Variants in RHOF observed in about 807,000 individuals in gnomAD.
The protein encoded by RHOF is ras homolog family member F, filopodia associated, also known as rho-related GTP-binding protein RhoF.
In RHOF, 21 loss-of-function variants were observed where a neutral mutation model predicts 22.2. The observed-to-expected ratio is 0.95, with a 90% CI of 0.67 to 1.36. RHOF has a LOEUF of 1.36. Ranked by LOEUF, RHOF falls within the 40% of genes most tolerant of loss-of-function variation. The probability of loss-of-function intolerance (pLI) is 0.00; values close to 1 mark genes in which losing one functional copy is unlikely to be tolerated. For missense variants in RHOF, 285 were observed against 293.7 expected (o/e 0.97, Z 0.22); for synonymous variants, 135 against 131.2 (o/e 1.03, Z -0.20).
chr12:121,793,318 C>T (rs1443263953), intron 1 of RHOF, 79 bp from the exon 2 acceptor site: 105 of 1,455,818 alleles, frequency 7.2e-5, no homozygotes, highest in Non-Finnish European at 1.1e-5. Flanking sequence ...TGTCCACCCC[C>T]CTCACTCGTC....
At chr12:121,793,091 G>T in intron 2 of RHOF, 61 bp downstream of exon 2, 1 of 1,426,614 alleles carries the variant, frequency 7.0e-7, no homozygotes, top group Non-Finnish European at 9.6e-7. Context: ...GGGGACGCCC[G>T]GGAGGGGAAA....
At chr12:121,791,200 A>G (rs193078609) in intron 2 of RHOF, among the ~76,000 whole-genome samples, 91 of 152,202 alleles carry the variant, frequency 6.0e-4, no homozygotes, top group African/African-American at 2.1e-3. Context: ...ATCTCGGCTC[A>G]CTGCAACCTC....
rs1002714938 is a variant in RHOF, at chr12:121,779,288, TCAC to T, written c.*207_*209del. On this transcript the variant is annotated 3_prime_UTR_variant, in exon 5 of 5. Transcript: ENST00000267205. ...ACAGACACTGGCTCCTGCACCCACATCACCACCATGTCCCAGGGGCAGCCTGGA... is the reference window on the plus strand; with the variant it reads ...ACAGACACTGGCTCCTGCACCCACATCACCATGTCCCAGGGGCAGCCTGGA... The T allele has an allele frequency of 6.6e-6, 4 of 603,180 alleles. No homozygotes were observed. The highest frequency in any genetic ancestry group is 3.7e-5 in the African/African-American group (2 of 53,842). The allele number at this position is 603,180 out of a possible 1,614,324, so 37.4% of individuals were successfully genotyped here. A position where few individuals can be genotyped will look rare whatever the true frequency, so the allele number is the denominator to read the frequency against.
rs1182611780 is a variant in RHOF, at chr12:121,793,622, G to A, written c.12C>T (p.Pro4=). The change falls in exon 1 of 5, where the codon CCC becomes CCT. Residue 4 remains proline (P), a synonymous_variant. Transcript: ENST00000267205. MDA[P]GALAQTAAPG... ...GGGCGGCGGTCTGGGCCAGGGCCCC[G>A]GGGGCATCCATTGCCCGGAGCCCGC... is the stretch of plus-strand genomic sequence containing the variant. The A allele has an allele frequency of 5.2e-6, 8 of 1,543,446 alleles. No individual in the cohort carries two copies. The African/African-American group carries it at 5.5e-5, about 11-fold the overall frequency.
chr12:121,790,673 C>T (rs1007293083), intron 2 of RHOF, among the ~76,000 whole-genome samples: 1 of 152,274 alleles, frequency 6.6e-6, no homozygotes, highest in Non-Finnish European at 1.5e-5. Flanking sequence ...GGGTGCCCCT[C>T]CTTGGGGTCT....
At chr12:121,793,011 CCT>C in intron 2 of RHOF, 139 bp downstream of exon 2, 1 of 702,554 alleles carries the variant, frequency 1.4e-6, no homozygotes, top group Admixed American at 2.7e-5. Flanking sequence ...AGCCAGCGCC[CCT>C]GAGCGGCCTC....
In RHOF at chr12:121,781,089, G is replaced by A. The variant is rs756665711; in HGVS notation, c.330C>T (p.Leu110=). The change falls in exon 3 of 5, where the codon CTC becomes CTT. Residue 110 remains leucine, a synonymous_variant. Transcript: ENST00000267205. ...CCCAGGAGGCCGGCCTCACCTTGAT[G>A]AGGACGTTGTCGTAGCTGGTGGGAT... ...VMNPTSYDNV[L]IKWFPEVTHF... is the part of the protein sequence containing the mutation. 2.5e-6 allele frequency: 4 copies of A among 1,614,246 alleles called. No individual in the cohort carries two copies. The highest frequency in any genetic ancestry group is 1.1e-5 in the South Asian group (1 of 91,084).
At position 121,793,605 on chromosome 12, in the gene RHOF, G is replaced by A; in HGVS notation, c.29C>T (p.Thr10Ile). Residue 10 changes from threonine (T) to isoleucine (I), a missense_variant, in exon 1 of 5, where the codon ACC (threonine) becomes ATC (isoleucine). By Grantham distance (89) the Thr-to-Ile change is moderately conservative (BLOSUM62 -1). Transcript: ENST00000267205. The part of the protein sequence containing the change: MDAPGALAQ[T>I]AAPGPGRKEL... Reference sequence around the variant, plus strand: ...CTTCCTGCCCGGACCGGGGGCGGCGGTCTGGGCCAGGGCCCCGGGGGCATC... The same window carrying A: ...CTTCCTGCCCGGACCGGGGGCGGCGATCTGGGCCAGGGCCCCGGGGGCATC... 1 of 1,550,472 alleles carries A rather than the reference G, an allele frequency of 6.4e-7. No individual in the cohort carries two copies.
Position 121,779,207 on chromosome 12 carries a change from T to G in RHOF, c.*291A>C. On this transcript the variant is annotated 3_prime_UTR_variant, in exon 5 of 5. Coordinates refer to ENST00000267205, the MANE Select transcript of RHOF (RefSeq NM_019034.3). ...TTTCAAGCATAACTTGAGTCTGCAC[T>G]GGGGAGACACTCGTGGTGGGGGTGG... 1 of 472,930 alleles carries G rather than the reference T, an allele frequency of 2.1e-6. No individual in the cohort carries two copies. The highest frequency in any genetic ancestry group is 2.6e-5 in the South Asian group (1 of 38,188). 29.3% of individuals were successfully genotyped at this position (472,930 alleles called of 1,614,324 possible).
At chr12:121,786,624 C>T (rs1319301647) in intron 2 of RHOF, among the ~76,000 whole-genome samples, 3 of 152,208 alleles carry the variant, frequency 2.0e-5, no homozygotes, top group Non-Finnish European at 4.4e-5. Context: ...TCCTTCAGGG[C>T]TCTATGGAAT....
chr12:121,784,764 T>C (rs1185919924), intron 2 of RHOF, among the ~76,000 whole-genome samples: 1 of 152,162 alleles, frequency 6.6e-6, no homozygotes, highest in African/African-American at 2.4e-5. Context: ...CTATTTTGTT[T>C]TGTATTGTGC....
In RHOF at chr12:121,779,446, ACCTGGGCC is replaced by A. The variant is rs1441000160; in HGVS notation, c.*44_*51del. On this transcript the variant is annotated 3_prime_UTR_variant, in exon 5 of 5. Transcript: ENST00000267205. The stretch of plus-strand genomic sequence containing the variant: ...GGGCAGCCTCCCTGGTGCAATCGGC[ACCTGGGCC>A]CCCGGGCCCTGTCAGTGCTGTCGTG... The A allele has an allele frequency of 6.3e-6, 10 of 1,589,116 alleles. No individual in the cohort carries two copies. Among genetic ancestry groups the A allele is most frequent in the Non-Finnish European group, 7.7e-6 (9 of 1,169,216 alleles).
chr12:121,793,431 C>A, intron 1 of RHOF, 65 bp downstream of exon 1: 1 of 1,525,404 alleles, frequency 6.6e-7, no homozygotes, highest in South Asian at 1.2e-5. Flanking sequence ...GACTGAGGGT[C>A]GGGGCTCTGG....
chr12:121,788,491 G>A (rs1874672219), intron 2 of RHOF, among the ~76,000 whole-genome samples: 1 of 152,118 alleles, frequency 6.6e-6, no homozygotes, highest in Non-Finnish European at 1.5e-5. Context: ...GGGGGACCAG[G>A]CCTGCAGAGG....
At position 121,793,158 on chromosome 12, in the gene RHOF, T is replaced by C; in HGVS notation, c.220A>G (p.Thr74Ala). ...SKEVTLNLYD[T>A]AGQEDYDRLR... ...GGCGCGCAGGCGCACTCACCGGCCGTGTCGTAGAGGTTCAGGGTCACCTCC... is the reference window on the plus strand; with the variant it reads ...GGCGCGCAGGCGCACTCACCGGCCGCGTCGTAGAGGTTCAGGGTCACCTCC... The change falls in exon 2 of 5, where the codon ACG (threonine) becomes GCG (alanine). Residue 74 changes from threonine to alanine, a missense_variant. Coordinates refer to ENST00000267205, the MANE Select transcript of RHOF (RefSeq NM_019034.3). 1 of 1,549,998 alleles carries C rather than the reference T, an allele frequency of 6.5e-7. No individual in the cohort carries two copies. The highest frequency in any genetic ancestry group is 8.7e-7 in the Non-Finnish European group (1 of 1,146,722).
At position 121,785,816 on chromosome 12, in the gene RHOF, G is replaced by A. The variant is rs555724477; in HGVS notation, c.227-4624C>T. ...TTTAGTAGAGACGGGGTTTCACTGTGTTAGCCAGGATGGTCTCGATCTCCT... is the reference window on the plus strand; with the variant it reads ...TTTAGTAGAGACGGGGTTTCACTGTATTAGCCAGGATGGTCTCGATCTCCT... On this transcript the variant is annotated intron_variant, in intron 2 of 4. Transcript: ENST00000267205. Among the ~76,000 whole-genome samples the A allele has an allele frequency of 6.5e-3, 993 of 152,112 alleles. 9 individuals are homozygous for A. Among genetic ancestry groups the A allele is most frequent in the African/African-American group, 0.023 (938 of 41,472 alleles).
chr12:121,781,475 C>T, intron 2 of RHOF: 1 of 373,144 alleles, frequency 2.7e-6, no homozygotes, highest in Non-Finnish European at 5.0e-6. Context: ...TGTCTCTTAA[C>T]AACAAAACCC....
At position 121,779,477 on chromosome 12, in the gene RHOF, G is replaced by A. The variant is rs757496655; in HGVS notation, c.*21C>T. On this transcript the variant is annotated 3_prime_UTR_variant, in exon 5 of 5. Coordinates refer to ENST00000267205, the MANE Select transcript of RHOF (RefSeq NM_019034.3). The stretch of plus-strand genomic sequence containing the variant: ...GCCCCCGGGCCCTGTCAGTGCTGTC[G>A]TGAGGTCTGTCTGCCCTGGGTCAGA... 3.7e-6 allele frequency: 6 copies of A among 1,608,600 alleles called. No homozygotes were observed. The highest frequency in any genetic ancestry group is 1.7e-4 in the Middle Eastern group (1 of 6,054).
chr12:121,793,343 C>G (rs1017156869), intron 1 of RHOF, 104 bp from the exon 2 acceptor site: 14 of 1,433,546 alleles, frequency 9.8e-6, no homozygotes, highest in African/African-American at 8.5e-5. Context: ...ATCAGCCCCC[C>G]CTCACCCCGC....
Sources: gnomAD v4.1 joint callset for allele counts (sites outside exome capture counted in the v4.1 genomes callset) on GRCh38, gnomAD v4.1.1 for gene constraint, MANE v1.5 for transcripts, NCBI Gene and HGNC (gene_info 2026-07-23, HGNC 2026-07-21) for gene names.